CEP41: variants seen among roughly 807,000 people sequenced by gnomAD.
The protein encoded by CEP41 is centrosomal protein 41.
CEP41 carries 32 observed loss-of-function variants against 44.3 expected under a neutral mutation model. The observed-to-expected ratio is 0.72, with a 90% CI of 0.54 to 0.97. The LOEUF is 0.97. Among genes scored for constraint, CEP41 ranks in the 50% least tolerant of loss-of-function variants. The probability of loss-of-function intolerance (pLI) is 0.00; values close to 1 mark genes in which losing one functional copy is unlikely to be tolerated. For synonymous variants in CEP41, 151 were observed against 168.5 expected, an observed-to-expected ratio of 0.90 and a Z score of 0.80; for missense variants, 432 against 455.2, an observed-to-expected ratio of 0.95 and a Z score of 0.46.
chr7:130,397,974 A>G lies in CEP41; in HGVS notation c.*917T>C. On this transcript the variant is annotated 3_prime_UTR_variant, in exon 11 of 11. Transcript: ENST00000223208. ...TGTCAGCCCTGACAAAGGACTTCGG[A>G]GTCCTCTTCACCTTGTGTGTCCACA... 2.2e-6 allele frequency: 1 copy of G among 454,492 alleles called. No homozygotes were observed. The highest frequency in any genetic ancestry group is 4.4e-6 in the Non-Finnish European group (1 of 226,782). The allele number at this position is 454,492 out of a possible 1,614,324, so 28.2% of individuals were successfully genotyped here.
At chr7:130,409,037 A>G (rs1797096588) in intron 5 of CEP41, among the ~76,000 whole-genome samples, 1 of 152,224 alleles carries the variant, frequency 6.6e-6, no homozygotes, top group Admixed American at 6.5e-5. Flanking sequence ...ACCAAAACAT[A>G]GACAGTGATT....
chr7:130,440,235 G>T (rs1347227227), intron 1 of CEP41, among the ~76,000 whole-genome samples: 2 of 152,120 alleles, frequency 1.3e-5, no homozygotes, highest in Non-Finnish European at 2.9e-5. Flanking sequence ...TGGCCAGGCT[G>T]GTCTCAAACT....
chr7:130,440,600 C>T, intron 1 of CEP41: 2 of 518,790 alleles, frequency 3.9e-6, no homozygotes, highest in Non-Finnish European at 7.0e-6. Flanking sequence ...CATTAGTGTG[C>T]AGCGCTTCCT....
chr7:130,426,727 C>T (rs1349211462), intron 2 of CEP41: 1 of 450,698 alleles, frequency 2.2e-6, no homozygotes, highest in Admixed American at 2.4e-5. Context: ...GCAGAAGAAA[C>T]AAGGCTTGGG....
intron 7 of CEP41, 141 bp downstream of exon 7, chr7:130,402,507 C>A: frequency 1.1e-6 from 1 of 901,204 alleles, no homozygotes; most frequent in Non-Finnish European, 1.8e-6. Context: ...TGGAGCCAAC[C>A]CTATAGGATT....
chr7:130,404,643 G>C lies in CEP41; in HGVS notation c.343C>G (p.Pro115Ala). The C allele has an allele frequency of 6.2e-7, 1 of 1,613,230 alleles. No homozygotes were observed. The highest frequency in any genetic ancestry group is 1.1e-5 in the South Asian group (1 of 91,064). ...TCAGGGCTCGGCGACTGCTCACCTG[G>C]ATTTCCTTTCCCATTGGTCCTGGCA... is the stretch of plus-strand genomic sequence containing the variant. ...TTARTNGKGN[P>A]GEQSPSPEQF... is the part of the protein sequence containing the mutation. The change falls in exon 6 of 11, where the codon CCA becomes GCA. Residue 115 changes from proline (P) to alanine (A), a missense_variant. Transcript: ENST00000223208.
chr7:130,419,950 TACACACACAC>T, intron 2 of CEP41: 1 of 444,508 alleles, frequency 2.2e-6, no homozygotes, highest in South Asian at 9.1e-5. Context: ...TATGGGCACG[TACACACACAC>T]ACACACACAC....
chr7:130,434,656 T>A (rs1554425813), intron 1 of CEP41, among the ~76,000 whole-genome samples: 1 of 152,192 alleles, frequency 6.6e-6, no homozygotes, highest in East Asian at 1.9e-4. Flanking sequence ...CATAGATGGA[T>A]CTGAAGCATA....
intron 4 of CEP41, 98 bp downstream of exon 4, chr7:130,412,081 A>C: frequency 1.3e-6 from 1 of 784,824 alleles, no homozygotes; most frequent in South Asian, 1.4e-5. Context: ...AATCAGAAGA[A>C]ACTCCTCTGC....
In CEP41 at chr7:130,404,322, C is replaced by T. The variant is rs186924980; in HGVS notation, c.422+242G>A. ...ATATGTAGGAGGGAGAAGAATGGAA[C>T]GAGAAATGAAAATTAAACTCTCCTA... On this transcript the variant is annotated intron_variant, in intron 6 of 10. Transcript: ENST00000223208. 4.6e-5 allele frequency among the ~76,000 whole-genome samples: 7 copies of T among 152,060 alleles called. No individual in the cohort carries two copies. In the South Asian group the frequency reaches 8.3e-4, roughly 18 times the overall value.
chr7:130,402,601 C>G (rs773554743), intron 7 of CEP41, 47 bp downstream of exon 7: 1 of 1,601,800 alleles, frequency 6.2e-7, no homozygotes, highest in Non-Finnish European at 8.6e-7. Context: ...CAAGAGCAGG[C>G]TCTCTGTTCT....
intron 10 of CEP41, chr7:130,399,278 C>T (rs1170327046): frequency 5.5e-6 from 3 of 546,408 alleles, no homozygotes; most frequent in Non-Finnish European, 9.9e-6. Context: ...CCTTCCTCTC[C>T]AACATCCCCA....
At chr7:130,404,013 T>C (rs1796932051) in intron 6 of CEP41, among the ~76,000 whole-genome samples, 1 of 152,196 alleles carries the variant, frequency 6.6e-6, no homozygotes, top group African/African-American at 2.4e-5. Context: ...AGTTAGAAAG[T>C]ACTACACGGA....
At chr7:130,425,874 C>T (rs1250178670) in intron 2 of CEP41, among the ~76,000 whole-genome samples, 2 of 152,110 alleles carry the variant, frequency 1.3e-5, no homozygotes, top group Non-Finnish European at 2.9e-5. Context: ...GAAAATTATG[C>T]TAAGTGAAAA....
At chr7:130,407,757 C>T (rs1797058274) in intron 5 of CEP41, among the ~76,000 whole-genome samples, 1 of 151,798 alleles carries the variant, frequency 6.6e-6, no homozygotes, top group Admixed American at 6.6e-5. Context: ...AAATAATTTA[C>T]CAACACTGAA....
chr7:130,434,582 T>C (rs1251288301), intron 1 of CEP41, among the ~76,000 whole-genome samples: 1 of 152,170 alleles, frequency 6.6e-6, no homozygotes, highest in Non-Finnish European at 1.5e-5. Flanking sequence ...AGGTAAAATG[T>C]GCTCTAGTCA....
At chr7:130,400,965 G>C (rs531263758) in intron 8 of CEP41, 144 bp from the exon 9 acceptor site, 1 of 666,126 alleles carries the variant, frequency 1.5e-6, no homozygotes, top group East Asian at 2.8e-5. Context: ...CACACCAGCA[G>C]GGACTGGATG....
intron 8 of CEP41, 67 bp from the exon 9 acceptor site, chr7:130,400,888 A>G: frequency 2.0e-6 from 2 of 1,000,814 alleles, no homozygotes; most frequent in South Asian, 1.4e-5. Context: ...AGAAACCCCC[A>G]AGGAATAAAA....
chr7:130,396,550 TTAATCTTC>T lies in CEP41; in HGVS notation c.*2333_*2340del. On this transcript the variant is annotated 3_prime_UTR_variant, in exon 11 of 11. Coordinates refer to ENST00000223208, the MANE Select transcript of CEP41 (RefSeq NM_018718.3). ...AACGACAAATTAGTAACTATGTACT[TTAATCTTC>T]AACATTCATAATTGCACAAAGCATC... is the stretch of plus-strand genomic sequence containing the variant. 1 of 454,552 alleles carries T rather than the reference TTAATCTTC, an allele frequency of 2.2e-6. No individual in the cohort carries two copies. Among genetic ancestry groups the T allele is most frequent in the Non-Finnish European group, 4.4e-6 (1 of 226,778 alleles). 28.2% of individuals were successfully genotyped at this position (454,552 alleles called of 1,614,324 possible).
Sources: gnomAD v4.1 joint callset for allele counts (sites outside exome capture counted in the v4.1 genomes callset) on GRCh38, gnomAD v4.1.1 for gene constraint, MANE v1.5 for transcripts, NCBI Gene and HGNC (gene_info 2026-07-23, HGNC 2026-07-21) for gene names.